Variants in PLCE1 observed in about 807,000 individuals in gnomAD.
PLCE1 encodes 1-phosphatidylinositol 4,5-bisphosphate phosphodiesterase epsilon-1.
PLCE1 carries 119 observed loss-of-function variants against 242.8 expected under a neutral mutation model. That is an observed-to-expected ratio of 0.49 (90% CI 0.42 to 0.57). The LOEUF is 0.57. Ranked by LOEUF, PLCE1 falls within the 20% of genes least tolerant of loss-of-function variation. The pLI is 0.00. For synonymous variants in PLCE1, 945 were observed against 1,017.4 expected, an observed-to-expected ratio of 0.93 and a Z score of 1.35; for missense variants, 2,441 against 2,788.8, an observed-to-expected ratio of 0.88 and a Z score of 2.81.
At chr10:94,208,189 A>G (rs2798001) in intron 4 of PLCE1, among the ~76,000 whole-genome samples, 41,296 of 152,108 alleles carry the variant, frequency 0.27, 7,013 homozygotes, top group Non-Finnish European at 0.39. Context: ...GCAGACACCA[A>G]CCTGACCAGG....
At chr10:94,231,130 G>A (rs2050129959) in intron 5 of PLCE1, among the ~76,000 whole-genome samples, 2 of 152,178 alleles carry the variant, frequency 1.3e-5, no homozygotes, top group African/African-American at 2.4e-5. Flanking sequence ...ACAATGAGTA[G>A]TATCTTTATA....
intron 1 of PLCE1, among the ~76,000 whole-genome samples, chr10:94,013,419 T>C (rs1468574124): frequency 6.6e-6 from 1 of 152,252 alleles, no homozygotes; most frequent in Non-Finnish European, 1.5e-5. Context: ...AACCTCACCA[T>C]GTATGTGATA....
At chr10:94,254,667 TG>T (rs1188241772) in intron 10 of PLCE1, among the ~76,000 whole-genome samples, 1 of 152,196 alleles carries the variant, frequency 6.6e-6, no homozygotes, top group Non-Finnish European at 1.5e-5. Flanking sequence ...CCTTGGGACC[TG>T]GACATCTTAT....
At chr10:94,151,462 G>C (rs940616879) in intron 3 of PLCE1, among the ~76,000 whole-genome samples, 1 of 152,332 alleles carries the variant, frequency 6.6e-6, no homozygotes, top group Non-Finnish European at 1.5e-5. Flanking sequence ...GGGAAATGAA[G>C]GTTGTGCTAT....
chr10:94,276,311 C>G (rs2051951980), intron 19 of PLCE1, among the ~76,000 whole-genome samples: 1 of 152,222 alleles, frequency 6.6e-6, no homozygotes, highest in African/African-American at 2.4e-5. Context: ...ACTTGTGTGA[C>G]TTTCTCAAGG....
chr10:94,071,730 C>T (rs1002609817), intron 2 of PLCE1, among the ~76,000 whole-genome samples: 2 of 151,846 alleles, frequency 1.3e-5, no homozygotes, highest in Non-Finnish European at 2.9e-5. Flanking sequence ...AACTCCTGGC[C>T]TCAAGTGATT....
chr10:94,163,021 C>T (rs1391220646), intron 3 of PLCE1, among the ~76,000 whole-genome samples: 3 of 152,148 alleles, frequency 2.0e-5, no homozygotes, highest in Admixed American at 6.5e-5. Context: ...GTCTGAGAGA[C>T]AGTTTGTTAT....
intron 2 of PLCE1, among the ~76,000 whole-genome samples, chr10:94,084,509 G>A (rs2044746427): frequency 2.0e-5 from 3 of 152,128 alleles, no homozygotes; most frequent in South Asian, 2.1e-4. Context: ...TTCCTGTGCC[G>A]ACATTCTGTG....
intron 4 of PLCE1, among the ~76,000 whole-genome samples, chr10:94,226,846 T>C (rs974401432): frequency 4.2e-5 from 6 of 142,140 alleles, no homozygotes; most frequent in Non-Finnish European, 6.1e-5. Context: ...TTTTTTTTTT[T>C]TTTTTTTTTT....
intron 4 of PLCE1, among the ~76,000 whole-genome samples, chr10:94,203,200 G>T (rs557767119): frequency 1.3e-5 from 2 of 152,158 alleles, no homozygotes; most frequent in Non-Finnish European, 2.9e-5. Context: ...TGCCTCCAAA[G>T]CACCTATACA....
At chr10:94,239,582 T>G (rs1306294259) in intron 7 of PLCE1, among the ~76,000 whole-genome samples, 2 of 152,138 alleles carry the variant, frequency 1.3e-5, no homozygotes, top group African/African-American at 4.8e-5. Context: ...ATACAGGAGG[T>G]TCCAGCACTT....
chr10:94,036,647 A>G (rs981001376), intron 2 of PLCE1, among the ~76,000 whole-genome samples: 2 of 152,200 alleles, frequency 1.3e-5, no homozygotes, highest in African/African-American at 4.8e-5. Flanking sequence ...GCTCTGAAAT[A>G]AGACAGGATA....
intron 1 of PLCE1, among the ~76,000 whole-genome samples, chr10:94,004,371 T>A (rs904680626): frequency 1.3e-5 from 2 of 152,142 alleles, no homozygotes; most frequent in African/African-American, 4.8e-5. Flanking sequence ...AATAGTCTAA[T>A]TCAATGTCAA....
Position 94,293,618 on chromosome 10 carries a change from T to C in PLCE1, c.5146T>C (p.Phe1716Leu). The change falls in exon 23 of 33, where the codon TTT becomes CTT. Residue 1716 changes from phenylalanine to leucine, a missense_variant. Phe to Leu is a conservative substitution (Grantham distance 22). Coordinates refer to ENST00000371380, the MANE Select transcript of PLCE1 (RefSeq NM_016341.4). Reference protein sequence around the residue: ...GRMSPGETASFNKTSGKSSCE... With the variant: ...GRMSPGETASLNKTSGKSSCE... Reference sequence around the variant, plus strand: ...AATGAGCCCAGGGGAGACAGCATCATTTAACAAAACATCTGGAAAAAGTAA... The same window carrying C: ...AATGAGCCCAGGGGAGACAGCATCACTTAACAAAACATCTGGAAAAAGTAA... 3 of 1,613,882 alleles carry C rather than the reference T, an allele frequency of 1.9e-6. No individual in the cohort carries two copies. Among genetic ancestry groups the C allele is most frequent in the South Asian group, 2.2e-5 (2 of 91,086 alleles).
intron 1 of PLCE1, among the ~76,000 whole-genome samples, chr10:94,003,561 T>G (rs2060973338): frequency 6.6e-6 from 1 of 150,956 alleles, no homozygotes; most frequent in Non-Finnish European, 1.5e-5. Flanking sequence ...CTTAAAAAAT[T>G]AGCTGTACTT....
At chr10:94,241,768 C>G (rs953169964) in intron 7 of PLCE1, among the ~76,000 whole-genome samples, 3 of 129,802 alleles carry the variant, frequency 2.3e-5, no homozygotes, top group South Asian at 5.4e-4. Context: ...GCCTGGGCAA[C>G]AGAGCAAGAC....
rs1396665545 is a variant in PLCE1, at chr10:94,268,915, C to T, written c.4282-14C>T. 6.5e-7 allele frequency: 1 copy of T among 1,535,066 alleles called. No individual in the cohort carries two copies. The highest frequency in any genetic ancestry group is 1.7e-5 in the Admixed American group (1 of 59,884). On this transcript the variant is annotated splice_polypyrimidine_tract_variant and intron_variant, in intron 16 of 32. Transcript: ENST00000371380. ...GGTGCTCACCTGGGGTGGATTCGCT[C>T]ATTGATCACACAGGTCCTTTTGCAA...
chr10:94,262,678 C>T lies in PLCE1; in HGVS notation c.3999C>T (p.Leu1333=), dbSNP rs749195023. The T allele has an allele frequency of 6.8e-6, 11 of 1,613,944 alleles. No individual in the cohort carries two copies. Among genetic ancestry groups the T allele is most frequent in the Middle Eastern group, 1.6e-4 (1 of 6,084 alleles). ...GCATACTTCAGCTCAACGATTTCCT[C>T]GTGAATTGCCAAGGAGAACACTGCA... is the stretch of plus-strand genomic sequence containing the variant. ...GVGILQLNDF[L]VNCQGEHCTY... The change falls in exon 14 of 33, where the codon CTC becomes CTT. Residue 1333 remains leucine (L), a synonymous_variant. Coordinates refer to ENST00000371380, the MANE Select transcript of PLCE1 (RefSeq NM_016341.4).
At chr10:94,274,533 G>A (rs552696631) in intron 19 of PLCE1, among the ~76,000 whole-genome samples, 108 of 150,604 alleles carry the variant, frequency 7.2e-4, no homozygotes, top group African/African-American at 2.5e-3. Flanking sequence ...CCATGATTCT[G>A]GGCCAAAAGT....
Sources: allele counts gnomAD v4.1 joint callset (sites outside exome capture counted in the v4.1 genomes callset), GRCh38; gene constraint gnomAD v4.1.1; transcripts MANE v1.5; gene names NCBI Gene and HGNC (gene_info 2026-07-23, HGNC 2026-07-21).